The following HPCAL1 variants were observed in gnomAD, a reference collection of about 807,000 sequenced individuals.
HPCAL1 encodes hippocalcin-like protein 1.
HPCAL1 carries 8 observed loss-of-function variants against 17.1 expected under a neutral mutation model. That is an observed-to-expected ratio of 0.47 (90% CI 0.27 to 0.84). The LOEUF is 0.84. Among genes scored for constraint, HPCAL1 ranks in the 40% least tolerant of loss-of-function variants. The pLI, the probability that HPCAL1 is intolerant of heterozygous loss-of-function variation, is 0.13. For synonymous variants in HPCAL1, 112 were observed against 111.4 expected (o/e 1.01, Z -0.03); for missense variants, 165 against 271.1 (o/e 0.61, Z 2.75).
rs114221647 is a variant in HPCAL1 at position 10,327,013 on chromosome 2, A to T, written c.-111+23836A>T. 1.5e-3 allele frequency among the ~76,000 whole-genome samples: 224 copies of T among 151,448 alleles called. 3 individuals are homozygous for T. Among genetic ancestry groups the T allele is most frequent in the African/African-American group, 4.8e-3 (198 of 41,294 alleles). On this transcript the variant is annotated intron_variant, in intron 1 of 4. Coordinates refer to ENST00000307845, the MANE Select transcript of HPCAL1 (RefSeq NM_002149.4). Reference sequence around the variant, plus strand: ...GCCCTTCGTCACCCAACCAGAGTGAACTCCTTCTCCCAGGTGGCCAGAGCA... The same window carrying T: ...GCCCTTCGTCACCCAACCAGAGTGATCTCCTTCTCCCAGGTGGCCAGAGCA...
intron 1 of HPCAL1, among the ~76,000 whole-genome samples, chr2:10,356,318 G>T (rs549615617): frequency 6.6e-6 from 1 of 152,206 alleles, no homozygotes; most frequent in Non-Finnish European, 1.5e-5. Context: ...ACGCCTCTTA[G>T]TGCCAAGGGA....
At chr2:10,329,212 C>A (rs1323474662) in intron 1 of HPCAL1, among the ~76,000 whole-genome samples, 1 of 152,170 alleles carries the variant, frequency 6.6e-6, no homozygotes, top group Non-Finnish European at 1.5e-5. Flanking sequence ...TTGTGATAGG[C>A]GGGATAACTC....
At chr2:10,311,663 C>T (rs1048819595) in intron 1 of HPCAL1, among the ~76,000 whole-genome samples, 2 of 151,978 alleles carry the variant, frequency 1.3e-5, no homozygotes, top group African/African-American at 4.8e-5. Flanking sequence ...GGTTTTGGGG[C>T]CAGGGATCGC....
intron 2 of HPCAL1, among the ~76,000 whole-genome samples, chr2:10,403,814 G>A (rs950062778): frequency 2.0e-5 from 3 of 151,556 alleles, no homozygotes; most frequent in African/African-American, 7.3e-5. Context: ...CATTACAAAC[G>A]CCCACTCTTT....
At chr2:10,316,327 C>T (rs1315266721) in intron 1 of HPCAL1, among the ~76,000 whole-genome samples, 1 of 152,140 alleles carries the variant, frequency 6.6e-6, no homozygotes, top group Non-Finnish European at 1.5e-5. Flanking sequence ...TTTTTCTGCT[C>T]CCCTTCCCTG....
intron 1 of HPCAL1, among the ~76,000 whole-genome samples, chr2:10,378,131 G>A (rs545760673): frequency 5.3e-5 from 8 of 151,932 alleles, no homozygotes; most frequent in African/African-American, 1.9e-4. Context: ...GGGACCCTAA[G>A]GATGGTGCCA....
intron 1 of HPCAL1, among the ~76,000 whole-genome samples, chr2:10,383,253 T>A (rs1289218470): frequency 6.6e-6 from 1 of 151,016 alleles, no homozygotes; most frequent in Non-Finnish European, 1.5e-5. Flanking sequence ...GTGCCTGTGG[T>A]CCCAGCTACT....
chr2:10,337,556 C>T (rs1372270389), intron 1 of HPCAL1, among the ~76,000 whole-genome samples: 1 of 152,164 alleles, frequency 6.6e-6, no homozygotes, highest in Admixed American at 6.5e-5. Flanking sequence ...CTTCTCACAG[C>T]CTCCCTGTGG....
At chr2:10,399,542 CATCACCGCCACCACT>C (rs1669434134) in intron 2 of HPCAL1, among the ~76,000 whole-genome samples, 6 of 120,160 alleles carry the variant, frequency 5.0e-5, no homozygotes, top group African/African-American at 2.6e-4. Flanking sequence ...CCACCGCCAC[CATCACCGCCACCACT>C]ACCGCCACCG....
Position 10,399,233 on chromosome 2 carries a change from C to CGCT in HPCAL1, c.-25+2313_-25+2314insGCT, listed in dbSNP as rs765808869. ...GCACCACCACCACCACCACCACCAC[C>CGCT]ACCACCATCACCACCACCACCACCA... On this transcript the variant is annotated intron_variant, in intron 2 of 4. Coordinates refer to ENST00000307845, the MANE Select transcript of HPCAL1 (RefSeq NM_002149.4). Among the ~76,000 whole-genome samples, 188 of 66,418 alleles carry CGCT rather than the reference C, an allele frequency of 2.8e-3. 10 individuals carry two copies. Among genetic ancestry groups the CGCT allele is most frequent in the African/African-American group, 0.012 (175 of 14,820 alleles). 43.6% of individuals were successfully genotyped at this position (66,418 alleles called of 152,430 possible). A position where few individuals can be genotyped will look rare whatever the true frequency, so the allele number is the denominator to read the frequency against.
At chr2:10,318,763 G>C (rs1663483233) in intron 1 of HPCAL1, among the ~76,000 whole-genome samples, 4 of 152,200 alleles carry the variant, frequency 2.6e-5, no homozygotes, top group Admixed American at 6.5e-5. Flanking sequence ...CTGTCTTGAG[G>C]CTGACCCACT....
At chr2:10,414,172 C>T (rs190834971) in intron 2 of HPCAL1, among the ~76,000 whole-genome samples, 1 of 152,272 alleles carries the variant, frequency 6.6e-6, no homozygotes, top group Non-Finnish European at 1.5e-5. Flanking sequence ...GTTGCTGCTT[C>T]TGGCTGTCCC....
chr2:10,400,272 C>G (rs1669516791), intron 2 of HPCAL1, among the ~76,000 whole-genome samples: 2 of 152,224 alleles, frequency 1.3e-5, no homozygotes, highest in African/African-American at 4.8e-5. Context: ...CTGAGGAAGA[C>G]AGGTGCGAGC....
In HPCAL1 at chr2:10,331,666, C is replaced by A. The variant is rs2125421795; in HGVS notation, c.-111+28489C>A. On this transcript the variant is annotated intron_variant, in intron 1 of 4. Transcript: ENST00000307845. The surrounding 1 kb of genome is among the most constrained non-coding windows in gnomAD (Gnocchi z 5.0). ...GAGGCTGTCTGCCCCCCACTGCACG[C>A]CCGGCTGTCAGAGGCATCTGTCTCT... is the stretch of plus-strand genomic sequence containing the variant. 6.6e-6 allele frequency among the ~76,000 whole-genome samples: 1 copy of A among 152,292 alleles called. No homozygotes were observed. Among genetic ancestry groups the A allele is most frequent in the Admixed American group, 6.5e-5 (1 of 15,312 alleles).
At chr2:10,401,175 C>T (rs191619598) in intron 2 of HPCAL1, among the ~76,000 whole-genome samples, 87 of 152,244 alleles carry the variant, frequency 5.7e-4, no homozygotes, top group African/African-American at 2.0e-3. Context: ...GGCTCCTCCC[C>T]ACCCATGTCA....
chr2:10,347,775 G>A (rs1341610955), intron 1 of HPCAL1, among the ~76,000 whole-genome samples: 1 of 152,142 alleles, frequency 6.6e-6, no homozygotes, highest in South Asian at 2.1e-4. Flanking sequence ...ACGGAGTATG[G>A]GCCAAATCGG....
At position 10,342,434 on chromosome 2, in the gene HPCAL1, T is replaced by G. The variant is rs1021768874; in HGVS notation, c.-111+39257T>G. On this transcript the variant is annotated intron_variant, in intron 1 of 4. Coordinates refer to ENST00000307845, the MANE Select transcript of HPCAL1 (RefSeq NM_002149.4). The surrounding 1 kb of genome is among the most constrained non-coding windows in gnomAD (Gnocchi z 4.1). Reference sequence around the variant, plus strand: ...TATAGCCACATGTGCAGTCCGTGCCTCCAGCGCGCAGCCTGAAAGGGAGGC... The same window carrying G: ...TATAGCCACATGTGCAGTCCGTGCCGCCAGCGCGCAGCCTGAAAGGGAGGC... Among the ~76,000 whole-genome samples the G allele has an allele frequency of 6.9e-6, 1 of 144,272 alleles. No homozygotes were observed. The highest frequency in any genetic ancestry group is 6.9e-5 in the Admixed American group (1 of 14,482). The allele number at this position is 144,272 out of a possible 152,430, so 94.6% of individuals were successfully genotyped here.
chr2:10,418,460 A>G (rs896004233), intron 2 of HPCAL1, among the ~76,000 whole-genome samples: 2 of 150,800 alleles, frequency 1.3e-5, no homozygotes, highest in African/African-American at 4.9e-5. Flanking sequence ...AAAAAAAAAA[A>G]AAAAAAAAAA....
chr2:10,332,505 G>T (rs1157174599), intron 1 of HPCAL1, among the ~76,000 whole-genome samples: 1 of 152,062 alleles, frequency 6.6e-6, no homozygotes, highest in African/African-American at 2.4e-5. Context: ...TGGGAGGTGG[G>T]GGGTAGCCGT....
Sources: gnomAD v4.1 joint callset for allele counts (sites outside exome capture counted in the v4.1 genomes callset) on GRCh38, gnomAD v4.1.1 for gene constraint, Gnocchi (gnomAD v3.1) non-coding constraint, MANE v1.5 for transcripts, NCBI Gene and HGNC (gene_info 2026-07-23, HGNC 2026-07-21) for gene names.